TRIM37: variants seen among roughly 807,000 people sequenced by gnomAD.
The protein encoded by TRIM37 is tripartite motif containing 37, also known as E3 ubiquitin-protein ligase TRIM37.
TRIM37 carries 80 observed loss-of-function variants against 129.8 expected under a neutral mutation model. The observed-to-expected ratio is 0.62, with a 90% CI of 0.51 to 0.74. TRIM37 has a LOEUF of 0.74. TRIM37 is among the 30% of genes least tolerant of loss of function. The pLI is 0.00. For missense variants in TRIM37, 1,054 were observed against 1,176.5 expected (o/e 0.90, Z 1.52); for synonymous variants, 389 against 387.1 (o/e 1.00, Z -0.06).
Position 59,049,247 on chromosome 17 carries a change from A to G in TRIM37, c.1461T>C (p.Thr487=). The change falls in exon 15 of 24, where the codon ACT becomes ACC. Residue 487 remains threonine (T), a synonymous_variant. Coordinates refer to ENST00000262294, the MANE Select transcript of TRIM37 (RefSeq NM_015294.6). ...CSDMLLEGGP[T]TASVREAKED... is the part of the protein sequence containing the mutation. The stretch of plus-strand genomic sequence containing the variant: ...CTTTGGCCTCTCTTACAGAAGCTGT[A>G]GTAGGACCACCTTCGAGAAGCATGT... 6.2e-7 allele frequency: 1 copy of G among 1,614,150 alleles called. No homozygotes were observed.
intron 2 of TRIM37, among the ~76,000 whole-genome samples, chr17:59,102,143 A>G (rs1337020666): frequency 6.6e-6 from 1 of 152,202 alleles, no homozygotes; most frequent in Non-Finnish European, 1.5e-5. Context: ...GGAGCCATAC[A>G]CACAGAGATG....
chr17:59,039,175 C>T (rs973625423), intron 17 of TRIM37, among the ~76,000 whole-genome samples: 32 of 152,118 alleles, frequency 2.1e-4, no homozygotes, highest in African/African-American at 5.3e-4. Flanking sequence ...ACTATGCATG[C>T]GTGTGTTTCC....
Position 59,017,276 on chromosome 17 carries a change from T to C in TRIM37, c.2386+20A>G. 6.2e-7 allele frequency: 1 copy of C among 1,613,766 alleles called. No individual in the cohort carries two copies. The highest frequency in any genetic ancestry group is 8.5e-7 in the Non-Finnish European group (1 of 1,179,712). Reference sequence around the variant, plus strand: ...AATATTTACCCCACTAAAAGTACATTCTGAATCCCTCAAATTTACCTTCAG... The same window carrying C: ...AATATTTACCCCACTAAAAGTACATCCTGAATCCCTCAAATTTACCTTCAG... On this transcript the variant is annotated intron_variant, in intron 20 of 23. Coordinates refer to ENST00000262294, the MANE Select transcript of TRIM37 (RefSeq NM_015294.6).
chr17:59,084,148 C>T (rs951733818), intron 4 of TRIM37, 59 bp from the exon 5 acceptor site: 95 of 1,362,580 alleles, frequency 7.0e-5, no homozygotes, highest in Non-Finnish European at 8.4e-5. Context: ...ATCACCTCCA[C>T]AAATTCTTAA....
Position 59,028,724 on chromosome 17 carries a change from C to T in TRIM37, c.1949-1G>A. On this transcript the variant is annotated splice_acceptor_variant, in intron 18 of 23. Coordinates refer to ENST00000262294, the MANE Select transcript of TRIM37 (RefSeq NM_015294.6). LOFTEE classifies it high-confidence loss of function. ...TCTTTATCTTTTCGAGAATATGATG[C>T]TTCAGAGAAATTGACAAGTCATGTT... 1 of 1,614,052 alleles carries T rather than the reference C, an allele frequency of 6.2e-7. No homozygotes were observed. The highest frequency in any genetic ancestry group is 8.5e-7 in the Non-Finnish European group (1 of 1,179,972).
chr17:59,043,166 T>C (rs1457943448), intron 16 of TRIM37, among the ~76,000 whole-genome samples: 1 of 152,212 alleles, frequency 6.6e-6, no homozygotes, highest in East Asian at 1.9e-4. Context: ...ACTATTACTT[T>C]ATTTTAAACA....
chr17:58,988,998 C>T (rs2032087125), intron 24 of TRIM37, among the ~76,000 whole-genome samples: 1 of 152,180 alleles, frequency 6.6e-6, no homozygotes, highest in Non-Finnish European at 1.5e-5. Context: ...CAGGAAAGGC[C>T]TCCTTACTTT....
At chr17:59,045,561 C>G (rs1374359016) in intron 16 of TRIM37, among the ~76,000 whole-genome samples, 1 of 150,952 alleles carries the variant, frequency 6.6e-6, no homozygotes, top group African/African-American at 2.4e-5. Context: ...ATCGCCTGAA[C>G]CCGGGAGGCG....
At position 59,106,551 on chromosome 17, in the gene TRIM37, G is replaced by T; in HGVS notation, c.-90C>A. The T allele has an allele frequency of 6.6e-7, 1 of 1,514,506 alleles. No homozygotes were observed. The highest frequency in any genetic ancestry group is 1.2e-5 in the South Asian group (1 of 86,056). The allele number at this position is 1,514,506 out of a possible 1,614,324, so 93.8% of individuals were successfully genotyped here. A position where few individuals can be genotyped will look rare whatever the true frequency, so the allele number is the denominator to read the frequency against. ...CGGCCCGAGGTCGCCAGATCAAATC[G>T]CCGATAAAAGCCCGGCGCCCACGTC... On this transcript the variant is annotated 5_prime_UTR_variant, in exon 1 of 24. Transcript: ENST00000262294.
intron 1 of TRIM37, 47 bp downstream of exon 1, chr17:59,106,394 C>T: frequency 6.2e-7 from 1 of 1,613,164 alleles, no homozygotes; most frequent in South Asian, 1.1e-5. Flanking sequence ...AAAAACCGCT[C>T]ATCGGGTGGG....
At chr17:58,983,142 A>ATCT (rs997065667) in intron 24 of TRIM37, 14 of 488,734 alleles carry the variant, frequency 2.9e-5, no homozygotes, top group Non-Finnish European at 4.0e-5. Flanking sequence ...ACACAGACCC[A>ATCT]TCTTTAGGGG....
At chr17:58,972,055 A>T in the TRIM37 span, 2 of 1,394,362 alleles carry the variant, frequency 1.4e-6, no homozygotes, top group Non-Finnish European at 2.0e-6. Flanking sequence ...GAAAAGCTTA[A>T]TTATAAATTG....
At chr17:59,088,184 A>G (rs748700414) in intron 4 of TRIM37, 107 bp downstream of exon 4, 85 of 726,400 alleles carry the variant, frequency 1.2e-4, no homozygotes, top group Non-Finnish European at 8.7e-5. Context: ...CAAGAAATAT[A>G]ACACTACTTA....
At chr17:59,070,503 T>C (rs2042272838) in intron 9 of TRIM37, among the ~76,000 whole-genome samples, 1 of 152,154 alleles carries the variant, frequency 6.6e-6, no homozygotes, top group African/African-American at 2.4e-5. Flanking sequence ...TATCAGTCTG[T>C]GAGACTTTTC....
chr17:59,098,210 CAG>C (rs1403120959), intron 2 of TRIM37, among the ~76,000 whole-genome samples: 2 of 152,048 alleles, frequency 1.3e-5, no homozygotes, highest in Non-Finnish European at 2.9e-5. Context: ...TAGTGGTTAA[CAG>C]GGGCTAGGGG....
intron 5 of TRIM37, among the ~76,000 whole-genome samples, chr17:59,083,163 C>T (rs570097415): frequency 1.4e-4 from 21 of 152,250 alleles, no homozygotes; most frequent in African/African-American, 4.1e-4. Flanking sequence ...AGGCTGGGCG[C>T]GGTGGCTTAC....
intron 24 of TRIM37, among the ~76,000 whole-genome samples, chr17:58,988,509 A>G (rs187347611): frequency 3.3e-5 from 5 of 152,262 alleles, no homozygotes; most frequent in South Asian, 4.1e-4. Context: ...GGGGGCAGAA[A>G]TATCACTGGG....
At chr17:58,993,907 T>G (rs1002039450), downstream of TRIM37, among the ~76,000 whole-genome samples, 8 of 152,184 alleles carry the variant, frequency 5.3e-5, no homozygotes, top group African/African-American at 1.9e-4. Flanking sequence ...TAATGTAATT[T>G]TGAACCTAAA....
At chr17:59,027,608 T>C (rs1598984094) in intron 19 of TRIM37, among the ~76,000 whole-genome samples, 1 of 152,236 alleles carries the variant, frequency 6.6e-6, no homozygotes, top group South Asian at 2.1e-4. Flanking sequence ...AGGCTGTTAC[T>C]GGTCTCACAA....
Sources: allele counts gnomAD v4.1 joint callset (sites outside exome capture counted in the v4.1 genomes callset), GRCh38; gene constraint gnomAD v4.1.1; transcripts MANE v1.5; gene names NCBI Gene and HGNC (gene_info 2026-07-23, HGNC 2026-07-21).